The following BBS9 variants were observed in gnomAD, a reference collection of about 807,000 sequenced individuals.
The protein encoded by BBS9 is Bardet-Biedl syndrome 9, also known as protein PTHB1.
A neutral mutation model predicts 117.7 loss-of-function variants in BBS9; 89 were observed. That is an observed-to-expected ratio of 0.76 (90% CI 0.64 to 0.90). BBS9 has a LOEUF of 0.90. BBS9 is among the 40% of genes least tolerant of loss of function. BBS9 has a pLI of 0.00. For synonymous variants in BBS9, 379 were observed against 370.9 expected, an observed-to-expected ratio of 1.02 and a Z score of -0.25; for missense variants, 982 against 1,042.2, an observed-to-expected ratio of 0.94 and a Z score of 0.80.
chr7:33,450,184 A>G (rs1394561600), intron 19 of BBS9, among the ~76,000 whole-genome samples: 1 of 152,146 alleles, frequency 6.6e-6, no homozygotes, highest in African/African-American at 2.4e-5. Flanking sequence ...GTATTCGTCT[A>G]TGCTGTATAA....
intron 21 of BBS9, among the ~76,000 whole-genome samples, chr7:33,617,112 A>G (rs1865179473): frequency 6.6e-6 from 1 of 152,072 alleles, no homozygotes; most frequent in South Asian, 2.1e-4. Context: ...TCTTTATCCC[A>G]TCATCCATTG....
chr7:33,190,466 T>C (rs73095385), intron 5 of BBS9, among the ~76,000 whole-genome samples: 29,143 of 152,140 alleles, frequency 0.19, 2,979 homozygotes, highest in Non-Finnish European at 0.23. Context: ...TCCAACCTTG[T>C]CTTTGGTAAA....
rs1372549514 is a variant in BBS9 at position 33,568,053 on chromosome 7, C to T, written c.2521+33877C>T. On this transcript the variant is annotated intron_variant, in intron 21 of 22. Coordinates refer to ENST00000242067, the MANE Select transcript of BBS9 (RefSeq NM_198428.3). ...CTTCAGAACACATAGAAAGAACTTC[C>T]TTGGCTTACAGTCTTACTTCTTTGC... Among the ~76,000 whole-genome samples, 5 of 152,138 alleles carry T rather than the reference C, an allele frequency of 3.3e-5. No individual in the cohort carries two copies. In the East Asian group the frequency reaches 9.6e-4, roughly 29 times the overall value.
intron 13 of BBS9, among the ~76,000 whole-genome samples, chr7:33,350,817 C>T (rs1265680686): frequency 4.6e-5 from 7 of 152,120 alleles, no homozygotes; most frequent in African/African-American, 1.7e-4. Context: ...AATCTCGGTT[C>T]ACTGCAAACT....
chr7:33,610,532 G>A (rs182910782), downstream of BBS9, among the ~76,000 whole-genome samples: 6 of 152,108 alleles, frequency 3.9e-5, no homozygotes, highest in Admixed American at 3.3e-4. Context: ...AGAGGGAGTA[G>A]GGGGCAAAAT....
chr7:33,375,740 C>T (rs1036189113), intron 17 of BBS9, among the ~76,000 whole-genome samples: 2 of 151,618 alleles, frequency 1.3e-5, no homozygotes, highest in Admixed American at 6.6e-5. Flanking sequence ...TACAGGTGTG[C>T]ACCACCACAC....
At chr7:33,516,515 T>C (rs569987458) in intron 20 of BBS9, among the ~76,000 whole-genome samples, 14 of 114,342 alleles carry the variant, frequency 1.2e-4, no homozygotes, top group Non-Finnish European at 2.1e-4. Context: ...AAAAAAAGAG[T>C]TGATGGAACA....
chr7:33,149,097 G>A (rs1792885558), intron 2 of BBS9, among the ~76,000 whole-genome samples: 1 of 152,166 alleles, frequency 6.6e-6, no homozygotes, highest in East Asian at 1.9e-4. Context: ...AATTGAAGAA[G>A]GGAGGATGAT....
At chr7:33,179,670 C>T (rs1797827203) in intron 5 of BBS9, among the ~76,000 whole-genome samples, 2 of 151,950 alleles carry the variant, frequency 1.3e-5, no homozygotes, top group South Asian at 4.2e-4. Flanking sequence ...TTATATATTA[C>T]AATGTAATAA....
At chr7:33,568,814 G>C (rs1484715536) in intron 21 of BBS9, among the ~76,000 whole-genome samples, 1 of 152,156 alleles carries the variant, frequency 6.6e-6, no homozygotes, top group East Asian at 1.9e-4. Flanking sequence ...AAATATATGT[G>C]TATGTATTTA....
chr7:33,154,964 T>C lies in BBS9; in HGVS notation c.264-674T>C, dbSNP rs566050218. On this transcript the variant is annotated intron_variant, in intron 3 of 22. Transcript: ENST00000242067. ...AATCACAGCCATTTACACTCTTTAC[T>C]CATTAACAACCCCTGGCTTGATCCT... Among the ~76,000 whole-genome samples the C allele has an allele frequency of 1.6e-3, 237 of 152,346 alleles. 1 individual carries two copies. Among genetic ancestry groups the C allele is most frequent in the African/African-American group, 5.5e-3 (227 of 41,574 alleles).
intron 4 of BBS9, 96 bp downstream of exon 4, chr7:33,155,798 C>A: frequency 1.5e-6 from 1 of 687,524 alleles, no homozygotes; most frequent in Non-Finnish European, 2.5e-6. Flanking sequence ...TGGTAGAGAA[C>A]ACAAAACATT....
intron 9 of BBS9, among the ~76,000 whole-genome samples, chr7:33,280,310 C>T (rs981511629): frequency 3.3e-5 from 5 of 152,102 alleles, no homozygotes; most frequent in African/African-American, 1.2e-4. Flanking sequence ...AGTAGGTGTT[C>T]CACCCACAGC....
At chr7:33,323,698 C>T (rs764286969) in intron 9 of BBS9, among the ~76,000 whole-genome samples, 2 of 151,840 alleles carry the variant, frequency 1.3e-5, no homozygotes, top group Admixed American at 6.6e-5. Flanking sequence ...TTCATTAAGC[C>T]ACTGTATGTC....
chr7:33,372,984 A>G (rs1823138103), intron 17 of BBS9, among the ~76,000 whole-genome samples: 1 of 152,070 alleles, frequency 6.6e-6, no homozygotes, highest in Non-Finnish European at 1.5e-5. Context: ...TTTCTGTAGT[A>G]TCAGATGTAA....
intron 21 of BBS9, among the ~76,000 whole-genome samples, chr7:33,568,760 G>A (rs1156416544): frequency 6.6e-6 from 1 of 152,196 alleles, no homozygotes; most frequent in African/African-American, 2.4e-5. Flanking sequence ...ACAGAATGGT[G>A]TTATGGTATG....
chr7:33,293,470 G>A (rs1417739589), intron 9 of BBS9, among the ~76,000 whole-genome samples: 1 of 152,022 alleles, frequency 6.6e-6, no homozygotes, highest in East Asian at 1.9e-4. Context: ...CTACCTAGGA[G>A]GCCCTGAACA....
intron 21 of BBS9, among the ~76,000 whole-genome samples, chr7:33,589,381 G>A (rs1861491488): frequency 6.6e-6 from 1 of 152,028 alleles, no homozygotes; most frequent in African/African-American, 2.4e-5. Context: ...AATTATTTCT[G>A]GAATTTTTTA....
chr7:33,389,710 A>AT (rs1452582277), intron 19 of BBS9, among the ~76,000 whole-genome samples: 17 of 122,716 alleles, frequency 1.4e-4, no homozygotes, highest in African/African-American at 4.4e-4. Flanking sequence ...AAAAAAAAAA[A>AT]AAAAATTCAT....
Sources: allele counts gnomAD v4.1 joint callset (sites outside exome capture counted in the v4.1 genomes callset), GRCh38; gene constraint gnomAD v4.1.1; transcripts MANE v1.5; gene names NCBI Gene and HGNC (gene_info 2026-07-23, HGNC 2026-07-21).